The following DNER variants were observed in gnomAD, a reference collection of about 807,000 sequenced individuals.
The protein encoded by DNER is delta and Notch-like epidermal growth factor-related receptor.
Under a neutral mutation model 78.2 loss-of-function variants are expected in DNER, and 33 were observed. The observed-to-expected ratio is 0.42, with a 90% CI of 0.32 to 0.56. DNER has a LOEUF of 0.56. Among genes scored for constraint, DNER ranks in the 20% least tolerant of loss-of-function variants. The pLI is 0.11. For missense variants in DNER, 918 were observed against 975.3 expected, an observed-to-expected ratio of 0.94 and a Z score of 0.78; for synonymous variants, 417 against 384.8, an observed-to-expected ratio of 1.08 and a Z score of -0.98.
chr2:229,467,184 C>T (rs1450042925), intron 7 of DNER, among the ~76,000 whole-genome samples: 1 of 152,052 alleles, frequency 6.6e-6, no homozygotes, highest in Non-Finnish European at 1.5e-5. Flanking sequence ...GGAAGGGACT[C>T]TAAACATGAC....
At chr2:229,634,649 G>T (rs552538436) in intron 1 of DNER, among the ~76,000 whole-genome samples, 72 of 152,262 alleles carry the variant, frequency 4.7e-4, no homozygotes, top group Non-Finnish European at 3.1e-4. Flanking sequence ...AAATAGATTG[G>T]CATTTAGTGC....
intron 4 of DNER, among the ~76,000 whole-genome samples, chr2:229,558,016 G>A (rs1213484995): frequency 1.3e-5 from 2 of 152,144 alleles, no homozygotes; most frequent in Non-Finnish European, 2.9e-5. Flanking sequence ...AGAAAATGTG[G>A]TACATATGCA....
chr2:229,538,127 A>T (rs111518795), intron 5 of DNER, among the ~76,000 whole-genome samples: 1,797 of 152,270 alleles, frequency 0.012, 37 homozygotes, highest in Middle Eastern at 0.048. Flanking sequence ...GTTTCTAATA[A>T]TTATTATTGT....
chr2:229,418,619 G>T (rs1206554500), intron 8 of DNER, among the ~76,000 whole-genome samples: 1 of 152,000 alleles, frequency 6.6e-6, no homozygotes, highest in African/African-American at 2.4e-5. Flanking sequence ...TCAAGAGTGA[G>T]AACCTGGCTC....
intron 1 of DNER, among the ~76,000 whole-genome samples, chr2:229,645,218 G>T (rs1197246460): frequency 1.3e-5 from 2 of 152,088 alleles, no homozygotes; most frequent in East Asian, 3.9e-4. Context: ...TGTTGCTCAG[G>T]CTAGTCTCAA....
chr2:229,501,265 C>T lies in DNER; in HGVS notation c.1147+11518G>A, dbSNP rs183363200. ...TATAGTTAGTCACAATGTATTATAT[C>T]CTTAAAAAATGCTAAGAAAGTGGAT... On this transcript the variant is annotated intron_variant, in intron 6 of 12. Coordinates refer to ENST00000341772, the MANE Select transcript of DNER (RefSeq NM_139072.4). Among the ~76,000 whole-genome samples, 34 of 151,104 alleles carry T rather than the reference C, an allele frequency of 2.3e-4. 1 individual carries two copies. The East Asian group carries it at 4.5e-3, about 20-fold the overall frequency.
intron 11 of DNER, among the ~76,000 whole-genome samples, chr2:229,369,029 A>G (rs1692416136): frequency 6.6e-6 from 1 of 152,186 alleles, no homozygotes; most frequent in Non-Finnish European, 1.5e-5. Context: ...CAGCCTTGGG[A>G]TCACACCAAC....
chr2:229,637,211 T>C (rs982762207), intron 1 of DNER, among the ~76,000 whole-genome samples: 11 of 152,246 alleles, frequency 7.2e-5, no homozygotes, highest in Non-Finnish European at 1.0e-4. Flanking sequence ...AAAATGGTAA[T>C]ACAATATCTA....
intron 1 of DNER, among the ~76,000 whole-genome samples, chr2:229,627,248 A>G (rs1698361166): frequency 6.6e-6 from 1 of 152,202 alleles, no homozygotes; most frequent in South Asian, 2.1e-4. Flanking sequence ...AAGCACCTAC[A>G]GATGCAGACT....
In DNER at chr2:229,447,342, G is replaced by C; in HGVS notation, c.1460C>G (p.Thr487Ser). 1 of 1,607,086 alleles carries C rather than the reference G, an allele frequency of 6.2e-7. No homozygotes were observed. Among genetic ancestry groups the C allele is most frequent in the Non-Finnish European group, 8.5e-7 (1 of 1,176,814 alleles). ...CAHGTCRSVG[T>S]SYKCLCDPGY... is the part of the protein sequence containing the mutation. ...TGGATCACAGAGGCATTTGTAGCTGGTGCCCACGCTGCGGCACGTGCCATG... is the reference window on the plus strand; with the variant it reads ...TGGATCACAGAGGCATTTGTAGCTGCTGCCCACGCTGCGGCACGTGCCATG... Residue 487 changes from threonine to serine, a missense_variant, in exon 8 of 13, where the codon ACC becomes AGC. Transcript: ENST00000341772.
At chr2:229,678,568 G>T (rs62193189) in intron 1 of DNER, among the ~76,000 whole-genome samples, 1 of 152,342 alleles carries the variant, frequency 6.6e-6, no homozygotes, top group African/African-American at 2.4e-5. Context: ...GGTTGAGGAA[G>T]CCAACATGCA....
At chr2:229,390,588 G>T (rs2106337092) in intron 10 of DNER, among the ~76,000 whole-genome samples, 1 of 152,154 alleles carries the variant, frequency 6.6e-6, no homozygotes, top group Admixed American at 6.5e-5. Context: ...AGATGGTGGG[G>T]AAAAAAATAG....
chr2:229,406,358 G>C (rs776687268), intron 10 of DNER, among the ~76,000 whole-genome samples: 1 of 152,164 alleles, frequency 6.6e-6, no homozygotes, highest in East Asian at 1.9e-4. Context: ...TGTTGGTTGA[G>C]CAAAACTCTA....
At chr2:229,407,044 T>G (rs2106343875) in intron 10 of DNER, among the ~76,000 whole-genome samples, 188 bp downstream of exon 10, 1 of 152,338 alleles carries the variant, frequency 6.6e-6, no homozygotes, top group South Asian at 2.1e-4. Context: ...CAGAAAAGCC[T>G]CATTTAATGA....
chr2:229,477,263 AC>A lies in DNER; in HGVS notation c.1148-11del, dbSNP rs146727100. ...AGCTCTCCAGTATAACCTGAATAAAACAAAATGTACATTTTATAAAATAAGC... is the reference window on the plus strand; with the variant it reads ...AGCTCTCCAGTATAACCTGAATAAAAAAAATGTACATTTTATAAAATAAGC... On this transcript the variant is annotated splice_polypyrimidine_tract_variant and intron_variant, in intron 6 of 12. Transcript: ENST00000341772. 0.15 allele frequency: 232,074 copies of A among 1,594,820 alleles called. 17,697 individuals carry two copies. Among genetic ancestry groups the A allele is most frequent in the South Asian group, 0.2 (17,474 of 89,256 alleles).
intron 6 of DNER, among the ~76,000 whole-genome samples, chr2:229,494,883 G>A (rs1415708418): frequency 6.6e-6 from 1 of 152,008 alleles, no homozygotes; most frequent in Non-Finnish European, 1.5e-5. Context: ...GTCCCCTTTA[G>A]TTCAAACTGA....
At chr2:229,438,098 A>G (rs1469214893) in intron 8 of DNER, among the ~76,000 whole-genome samples, 4 of 152,208 alleles carry the variant, frequency 2.6e-5, no homozygotes, top group Non-Finnish European at 5.9e-5. Flanking sequence ...CTCAGCATCA[A>G]TTTCAAAGAA....
chr2:229,467,023 C>T lies in DNER; in HGVS notation c.1261+10117G>A, dbSNP rs116488862. On this transcript the variant is annotated intron_variant, in intron 7 of 12. Transcript: ENST00000341772. ...AAAATCACGAAAATGATTTAAAGTG[C>T]GGTGTCAAGTCTTGGACTGTCACGG... Among the ~76,000 whole-genome samples, 1,195 of 152,188 alleles carry T rather than the reference C, an allele frequency of 7.9e-3. 10 individuals carry two copies. Among genetic ancestry groups the T allele is most frequent in the Admixed American group, 0.016 (239 of 15,286 alleles).
chr2:229,381,260 C>G (rs1692729277), intron 11 of DNER, among the ~76,000 whole-genome samples: 1 of 152,198 alleles, frequency 6.6e-6, no homozygotes, highest in Non-Finnish European at 1.5e-5. Context: ...ATACTTTTCC[C>G]ATGGTCTTCA....
Sources: allele counts gnomAD v4.1 joint callset (sites outside exome capture counted in the v4.1 genomes callset), GRCh38; gene constraint gnomAD v4.1.1; transcripts MANE v1.5; gene names NCBI Gene and HGNC (gene_info 2026-07-23, HGNC 2026-07-21).